The following KIAA0825 variants were observed in gnomAD, a reference collection of about 807,000 sequenced individuals.
KIAA0825 encodes the protein uncharacterized protein KIAA0825.
A neutral mutation model predicts 147.6 loss-of-function variants in KIAA0825; 119 were observed. The ratio of observed to expected loss-of-function variants is 0.81; its 90% confidence interval spans 0.69 to 0.94. The LOEUF is 0.94. Ranked by LOEUF, KIAA0825 falls within the 40% of genes least tolerant of loss-of-function variation. The pLI, the probability that KIAA0825 is intolerant of heterozygous loss-of-function variation, is 0.00. For synonymous variants in KIAA0825, 470 were observed against 518.1 expected (o/e 0.91, Z 1.26); for missense variants, 1,381 against 1,472.7 (o/e 0.94, Z 1.02).
At chr5:94,259,904 G>A (rs546957130) in intron 20 of KIAA0825, among the ~76,000 whole-genome samples, 1 of 151,758 alleles carries the variant, frequency 6.6e-6, no homozygotes, top group Admixed American at 6.6e-5. Context: ...CCATTAATGG[G>A]CCATGTGGCT....
intron 4 of KIAA0825, among the ~76,000 whole-genome samples, chr5:94,523,643 C>T (rs1768663031): frequency 6.6e-6 from 1 of 151,478 alleles, no homozygotes; most frequent in Non-Finnish European, 1.5e-5. Context: ...CACATCAATA[C>T]ATTTTGTGGT....
intron 14 of KIAA0825, among the ~76,000 whole-genome samples, chr5:94,421,931 G>A (rs1754238651): frequency 6.6e-6 from 1 of 152,112 alleles, no homozygotes; most frequent in Admixed American, 6.6e-5. Context: ...GCCAGGTGGT[G>A]CTCATCCATA....
intron 20 of KIAA0825, among the ~76,000 whole-genome samples, chr5:94,338,249 G>A (rs368550728): frequency 5.3e-5 from 8 of 151,452 alleles, no homozygotes; most frequent in African/African-American, 1.9e-4. Flanking sequence ...TTTTTATGCA[G>A]TATATATGCT....
At chr5:94,587,666 G>T (rs1251547684) in intron 1 of KIAA0825, among the ~76,000 whole-genome samples, 1 of 152,110 alleles carries the variant, frequency 6.6e-6, no homozygotes, top group Non-Finnish European at 1.5e-5. Flanking sequence ...AGCTACCAAT[G>T]ACTTTCTTCA....
At chr5:94,362,670 T>C (rs1241183374) in intron 20 of KIAA0825, among the ~76,000 whole-genome samples, 2 of 143,890 alleles carry the variant, frequency 1.4e-5, no homozygotes, top group East Asian at 1.9e-4. Context: ...ACTGATTTTT[T>C]AGTCTATCTC....
intron 20 of KIAA0825, among the ~76,000 whole-genome samples, chr5:94,278,361 T>A (rs1239246933): frequency 6.6e-6 from 1 of 152,144 alleles, no homozygotes. Context: ...TATTAAGGCA[T>A]TCCTGCTTGC....
intron 20 of KIAA0825, among the ~76,000 whole-genome samples, 183 bp from the exon 21 acceptor site, chr5:94,154,307 G>A (rs1766830248): frequency 6.6e-6 from 1 of 152,204 alleles, no homozygotes; most frequent in African/African-American, 2.4e-5. Flanking sequence ...AGTGGGCCAG[G>A]AGAGTGGGAG....
At chr5:94,197,115 C>G (rs1583819809) in intron 20 of KIAA0825, among the ~76,000 whole-genome samples, 1 of 152,192 alleles carries the variant, frequency 6.6e-6, no homozygotes, top group African/African-American at 2.4e-5. Flanking sequence ...TTTTGCCACA[C>G]CTTGTCAACA....
At chr5:94,553,065 C>CT (rs1416815911) in intron 2 of KIAA0825, among the ~76,000 whole-genome samples, 1 of 152,184 alleles carries the variant, frequency 6.6e-6, no homozygotes, top group Admixed American at 6.5e-5. Context: ...GATGGATCGA[C>CT]TAATTACTCT....
intron 5 of KIAA0825, among the ~76,000 whole-genome samples, chr5:94,491,220 G>A (rs1763695325): frequency 6.6e-6 from 1 of 152,178 alleles, no homozygotes; most frequent in Middle Eastern, 3.4e-3. Flanking sequence ...CCAGACAAGC[G>A]ACGTAAAAAG....
intron 20 of KIAA0825, among the ~76,000 whole-genome samples, chr5:94,293,474 G>C (rs978964679): frequency 5.9e-5 from 9 of 152,182 alleles, no homozygotes; most frequent in Non-Finnish European, 1.0e-4. Context: ...TGGTCTGTGA[G>C]ACTGTTTGTT....
chr5:94,533,989 T>C (rs1771460249), intron 3 of KIAA0825, among the ~76,000 whole-genome samples: 1 of 152,164 alleles, frequency 6.6e-6, no homozygotes, highest in South Asian at 2.1e-4. Flanking sequence ...CTGATGATAT[T>C]AAGAAGAGAG....
intron 3 of KIAA0825, 54 bp from the exon 4 acceptor site, chr5:94,524,152 T>C (rs1768805913): frequency 2.6e-6 from 3 of 1,166,808 alleles, no homozygotes; most frequent in South Asian, 3.1e-5. Flanking sequence ...AATGGCTTCA[T>C]TTCATAATAT....
chr5:94,273,757 G>C (rs916150626), intron 20 of KIAA0825, among the ~76,000 whole-genome samples: 7 of 151,614 alleles, frequency 4.6e-5, no homozygotes, highest in Non-Finnish European at 1.0e-4. Flanking sequence ...ATTTTATTGT[G>C]AGGACTGATG....
chr5:94,292,371 GT>G (rs1777938377), intron 20 of KIAA0825, among the ~76,000 whole-genome samples: 1 of 152,050 alleles, frequency 6.6e-6, no homozygotes, highest in Admixed American at 6.6e-5. Context: ...TAATCATGTG[GT>G]TTTTGTCATT....
At chr5:94,591,438 G>C (rs1175790099) in intron 1 of KIAA0825, among the ~76,000 whole-genome samples, 1 of 152,140 alleles carries the variant, frequency 6.6e-6, no homozygotes, top group African/African-American at 2.4e-5. Flanking sequence ...TATGCTTCAA[G>C]ACATGAATTA....
At chr5:94,354,166 A>G (rs141746744) in intron 20 of KIAA0825, among the ~76,000 whole-genome samples, 2 of 152,282 alleles carry the variant, frequency 1.3e-5, no homozygotes, top group African/African-American at 4.8e-5. Flanking sequence ...TCGGCTTGAT[A>G]CTTTCCTACC....
chr5:94,371,425 G>C (rs1306643941), intron 20 of KIAA0825, among the ~76,000 whole-genome samples: 1 of 152,160 alleles, frequency 6.6e-6, no homozygotes, highest in African/African-American at 2.4e-5. Flanking sequence ...AAAGGAAAGA[G>C]GCTTAATTGA....
chr5:94,573,355 T>A (rs1584933657), intron 2 of KIAA0825, among the ~76,000 whole-genome samples: 1 of 150,690 alleles, frequency 6.6e-6, no homozygotes, highest in Middle Eastern at 3.4e-3. Flanking sequence ...ACTGCAACCT[T>A]CACCTCCCAG....
Sources: allele counts gnomAD v4.1 joint callset (sites outside exome capture counted in the v4.1 genomes callset), GRCh38; gene constraint gnomAD v4.1.1; transcripts MANE v1.5; gene names NCBI Gene and HGNC (gene_info 2026-07-23, HGNC 2026-07-21).